Variants in COG5 observed in about 807,000 individuals in gnomAD.
COG5 encodes the protein conserved oligomeric Golgi complex subunit 5.
COG5 carries 86 observed loss-of-function variants against 110.4 expected under a neutral mutation model. That is an observed-to-expected ratio of 0.78 (90% CI 0.65 to 0.93). The LOEUF (loss-of-function observed/expected upper bound fraction) is 0.93. Among genes scored for constraint, COG5 ranks in the 40% least tolerant of loss-of-function variants. The pLI is 0.00. For missense variants in COG5, 1,077 were observed against 987.0 expected (o/e 1.09, Z -1.22); for synonymous variants, 360 against 334.6 (o/e 1.08, Z -0.83).
At chr7:107,512,143 A>T (rs1388683146) in intron 6 of COG5, among the ~76,000 whole-genome samples, 10 of 152,198 alleles carry the variant, frequency 6.6e-5, no homozygotes, top group Non-Finnish European at 1.5e-4. Context: ...ATATCTAGAA[A>T]ACCCCACTGT....
At chr7:107,414,743 T>TTTTTTC (rs1554434310) in intron 6 of COG5, among the ~76,000 whole-genome samples, 3 of 115,724 alleles carry the variant, frequency 2.6e-5, no homozygotes, top group Non-Finnish European at 5.2e-5. Flanking sequence ...TTTTTTTTTT[T>TTTTTTC]CCGAGACTCA....
chr7:107,367,716 A>G (rs1326065671), intron 8 of COG5, among the ~76,000 whole-genome samples: 1 of 152,176 alleles, frequency 6.6e-6, no homozygotes, highest in Non-Finnish European at 1.5e-5. Context: ...GTTCTCACTT[A>G]TAAGTGGGAG....
chr7:107,534,019 C>A (rs1434353950), intron 5 of COG5, among the ~76,000 whole-genome samples: 2 of 151,560 alleles, frequency 1.3e-5, no homozygotes. Context: ...ACTTAACATT[C>A]TTAAAGAAAA....
intron 12 of COG5, among the ~76,000 whole-genome samples, chr7:107,288,690 T>G (rs965269917): frequency 6.6e-6 from 1 of 151,902 alleles, no homozygotes; most frequent in African/African-American, 2.4e-5. Flanking sequence ...CTTTATATAT[T>G]CTGAAACAAG....
chr7:107,256,546 C>A (rs1802891987), intron 16 of COG5, among the ~76,000 whole-genome samples, 186 bp downstream of exon 16: 1 of 152,120 alleles, frequency 6.6e-6, no homozygotes, highest in Non-Finnish European at 1.5e-5. Flanking sequence ...CCAAAAGGGT[C>A]TATTTTTAAA....
chr7:107,409,241 A>G (rs982713360), intron 7 of COG5, among the ~76,000 whole-genome samples: 2 of 151,542 alleles, frequency 1.3e-5, no homozygotes, highest in African/African-American at 2.4e-5. Flanking sequence ...AAAAAAAAAA[A>G]AAAAAAGAAA....
chr7:107,292,581 C>T (rs1375365161), intron 12 of COG5, among the ~76,000 whole-genome samples: 1 of 152,196 alleles, frequency 6.6e-6, no homozygotes, highest in Non-Finnish European at 1.5e-5. Context: ...TAGGCCTTTC[C>T]TGGGCCTTAA....
intron 7 of COG5, among the ~76,000 whole-genome samples, chr7:107,390,415 A>C (rs1400006384): frequency 6.6e-6 from 1 of 152,048 alleles, no homozygotes; most frequent in Non-Finnish European, 1.5e-5. Flanking sequence ...TATGTGGGGG[A>C]GCAACAAGAT....
intron 8 of COG5, among the ~76,000 whole-genome samples, chr7:107,370,053 G>A (rs1383118467): frequency 1.3e-5 from 2 of 151,808 alleles, no homozygotes; most frequent in Admixed American, 6.6e-5. Context: ...TTGAGTTACA[G>A]GCTGTTTACT....
At position 107,378,250 on chromosome 7, in the gene COG5, A is replaced by G. The variant is rs528548929; in HGVS notation, c.670-5490T>C. Among the ~76,000 whole-genome samples the G allele has an allele frequency of 3.9e-5, 6 of 152,270 alleles. No homozygotes were observed. In the East Asian group the frequency reaches 1.2e-3, roughly 29 times the overall value. On this transcript the variant is annotated intron_variant, in intron 7 of 21. Transcript: ENST00000297135. ...ACATCAACAAAAAGGAAGTCCAAAG[A>G]GAAACCCCATCTGAAGGTCACCAAC...
At chr7:107,329,098 T>C (rs1810021561) in intron 10 of COG5, among the ~76,000 whole-genome samples, 1 of 152,236 alleles carries the variant, frequency 6.6e-6, no homozygotes, top group Admixed American at 6.5e-5. Flanking sequence ...ATAATCCCAT[T>C]GGCCAATTCC....
chr7:107,334,974 T>C (rs1810582811), intron 10 of COG5, among the ~76,000 whole-genome samples: 1 of 152,202 alleles, frequency 6.6e-6, no homozygotes. Context: ...ATATATCATA[T>C]TGATATTTAA....
chr7:107,517,370 T>C (rs2395884), intron 6 of COG5, among the ~76,000 whole-genome samples: 2,253 of 152,148 alleles, frequency 0.015, 57 homozygotes, highest in African/African-American at 0.052. Context: ...CTATGATTGA[T>C]TGGAGTACCT....
intron 19 of COG5, among the ~76,000 whole-genome samples, chr7:107,229,135 G>C (rs1337713348): frequency 6.6e-6 from 1 of 152,044 alleles, no homozygotes; most frequent in East Asian, 1.9e-4. Flanking sequence ...AGCCCTTAGG[G>C]TTGGCCACCT....
chr7:107,267,999 G>A (rs949728934), intron 14 of COG5, among the ~76,000 whole-genome samples: 6 of 151,964 alleles, frequency 3.9e-5, no homozygotes, highest in Non-Finnish European at 8.8e-5. Flanking sequence ...ACGGAGTTTC[G>A]CTCTTGTTGC....
At chr7:107,249,705 T>TGTGTGC (rs916197319) in intron 16 of COG5, among the ~76,000 whole-genome samples, 15 of 138,754 alleles carry the variant, frequency 1.1e-4, no homozygotes, top group African/African-American at 3.9e-4. Flanking sequence ...TGTGTGTGTG[T>TGTGTGC]GTGTGTGTGT....
intron 12 of COG5, among the ~76,000 whole-genome samples, chr7:107,284,723 A>T (rs1480452114): frequency 1.3e-5 from 2 of 152,188 alleles, no homozygotes; most frequent in African/African-American, 4.8e-5. Flanking sequence ...TTCATTTAGC[A>T]GTCAAACTAT....
chr7:107,441,057 T>A (rs1446514322), intron 6 of COG5, among the ~76,000 whole-genome samples: 1 of 151,578 alleles, frequency 6.6e-6, no homozygotes, highest in Non-Finnish European at 1.5e-5. Context: ...ATCGAGACCA[T>A]CCTGTCTAAC....
chr7:107,532,074 T>C (rs1248641474), intron 5 of COG5, among the ~76,000 whole-genome samples: 2 of 152,202 alleles, frequency 1.3e-5, no homozygotes, highest in Non-Finnish European at 2.9e-5. Flanking sequence ...TTTTCTTTTT[T>C]TGAGACGGTT....
Sources: allele counts gnomAD v4.1 joint callset (sites outside exome capture counted in the v4.1 genomes callset), GRCh38; gene constraint gnomAD v4.1.1; transcripts MANE v1.5; gene names NCBI Gene and HGNC (gene_info 2026-07-23, HGNC 2026-07-21).